IQSEC1: variants seen among roughly 807,000 people sequenced by gnomAD.
The protein encoded by IQSEC1 is IQ motif and Sec7 domain ArfGEF 1.
IQSEC1 carries 31 observed loss-of-function variants against 91.0 expected under a neutral mutation model. The ratio of observed to expected loss-of-function variants is 0.34; its 90% CI spans 0.26 to 0.46. IQSEC1 has a LOEUF of 0.46. Among genes scored for constraint, IQSEC1 ranks in the 20% least tolerant of loss-of-function variants. The pLI is 1.00. For synonymous variants in IQSEC1, 699 were observed against 662.6 expected (o/e 1.05, Z -0.84); for missense variants, 1,388 against 1,575.6 (o/e 0.88, Z 2.02).
chr3:13,061,025 G>A (rs1237164872), intron 1 of IQSEC1, among the ~76,000 whole-genome samples: 1 of 152,148 alleles, frequency 6.6e-6, no homozygotes, highest in Non-Finnish European at 1.5e-5. Context: ...TCCTACGTGA[G>A]CACTCAGTAA....
chr3:13,281,850 C>T (rs906585266), intron 1 of IQSEC1, among the ~76,000 whole-genome samples: 3 of 152,228 alleles, frequency 2.0e-5, no homozygotes, highest in African/African-American at 7.2e-5. Flanking sequence ...GACAGAGAGG[C>T]AGAGGGGCAG....
chr3:13,073,564 C>T (rs1465091013), upstream of IQSEC1, among the ~76,000 whole-genome samples: 1 of 151,630 alleles, frequency 6.6e-6, no homozygotes, highest in Non-Finnish European at 1.5e-5. Flanking sequence ...CGCTCGGCTG[C>T]GCCCTCGCGG....
intron 1 of IQSEC1, among the ~76,000 whole-genome samples, chr3:12,950,100 G>T (rs1167450788): frequency 6.6e-6 from 1 of 152,206 alleles, no homozygotes; most frequent in African/African-American, 2.4e-5. Context: ...TAAGTACACA[G>T]ATTTCACCCC....
chr3:13,192,774 C>T (rs560264874), intron 1 of IQSEC1, among the ~76,000 whole-genome samples: 1 of 152,390 alleles, frequency 6.6e-6, no homozygotes, highest in South Asian at 2.1e-4. Flanking sequence ...ACATTTCCCA[C>T]AGGCCCTGTG....
chr3:12,968,558 C>T (rs1202665921), intron 1 of IQSEC1, among the ~76,000 whole-genome samples: 1 of 152,078 alleles, frequency 6.6e-6, no homozygotes, highest in East Asian at 1.9e-4. Flanking sequence ...AGACGGCTTC[C>T]CTCACTCTTT....
rs57214977 is a variant in IQSEC1 at position 13,226,606 on chromosome 3, G to T, written c.272+56105C>A. Among the ~76,000 whole-genome samples the T allele has an allele frequency of 4.7e-3, 680 of 145,686 alleles. 4 individuals are homozygous for T. Among genetic ancestry groups the T allele is most frequent in the African/African-American group, 0.016 (634 of 38,612 alleles). The stretch of plus-strand genomic sequence containing the variant: ...ATCTCTACCAAAAAAAAAAAAAAAT[G>T]GTTAAAAATTTGCCTCATCAACCCA... On this transcript the variant is annotated intron_variant, in intron 1 of 15. Transcript: ENST00000648114.
At chr3:12,954,247 GA>G (rs1404359384) in intron 1 of IQSEC1, among the ~76,000 whole-genome samples, 2 of 152,368 alleles carry the variant, frequency 1.3e-5, no homozygotes, top group Non-Finnish European at 2.9e-5. Context: ...AAGAGCCCAG[GA>G]ACCTGAGTGG....
At chr3:13,108,912 C>T (rs1248694475) in intron 2 of IQSEC1, among the ~76,000 whole-genome samples, 2 of 152,210 alleles carry the variant, frequency 1.3e-5, no homozygotes, top group African/African-American at 4.8e-5. Context: ...CCGAGTGAAA[C>T]GTCTTGAAGG....
chr3:13,254,668 G>T (rs115332198), intron 1 of IQSEC1, among the ~76,000 whole-genome samples: 6 of 152,182 alleles, frequency 3.9e-5, no homozygotes, highest in Non-Finnish European at 7.3e-5. Flanking sequence ...GCTCCCTGGC[G>T]CTTCCTACTC....
chr3:13,004,785 T>C (rs1161826705), intron 1 of IQSEC1, among the ~76,000 whole-genome samples: 3 of 151,886 alleles, frequency 2.0e-5, no homozygotes, highest in African/African-American at 4.8e-5. Flanking sequence ...CTAATTCACC[T>C]CCCACCAAAA....
At chr3:13,005,024 C>T (rs1702576526) in intron 1 of IQSEC1, among the ~76,000 whole-genome samples, 1 of 152,196 alleles carries the variant, frequency 6.6e-6, no homozygotes, top group African/African-American at 2.4e-5. Context: ...CACACGTGAA[C>T]ATCTTTCAAA....
At chr3:13,272,018 G>T (rs910385452) in intron 1 of IQSEC1, among the ~76,000 whole-genome samples, 10 of 152,140 alleles carry the variant, frequency 6.6e-5, no homozygotes, top group Admixed American at 1.3e-4. Context: ...CATTCTCCAG[G>T]ATAGACTGCA....
chr3:13,201,398 A>G (rs1261179300), intron 1 of IQSEC1, among the ~76,000 whole-genome samples: 1 of 152,214 alleles, frequency 6.6e-6, no homozygotes, highest in African/African-American at 2.4e-5. Context: ...TAATGCGATC[A>G]TAGCTCACTG....
chr3:12,900,959 GCCTGGGAC>G lies in IQSEC1; in HGVS notation c.*16_*23del. 2 of 1,541,432 alleles carry G rather than the reference GCCTGGGAC, an allele frequency of 1.3e-6. No homozygotes were observed. Among genetic ancestry groups the G allele is most frequent in the Non-Finnish European group, 1.7e-6 (2 of 1,146,780 alleles). Reference sequence around the variant, plus strand: ...GTGTGGTGTGCAGGTGTTTCAGGGAGCCTGGGACCCCTACCCAGGCTGTCTACACAATT... The same window carrying G: ...GTGTGGTGTGCAGGTGTTTCAGGGAGCCCTACCCAGGCTGTCTACACAATT... On this transcript the variant is annotated 3_prime_UTR_variant, in exon 14 of 14. Transcript: ENST00000613206.
chr3:13,046,200 C>T (rs553418766), intron 1 of IQSEC1, among the ~76,000 whole-genome samples: 4 of 152,332 alleles, frequency 2.6e-5, no homozygotes, highest in East Asian at 3.9e-4. Context: ...AGCCCTGACT[C>T]GCTGGGCCAT....
At chr3:13,139,843 T>C (rs1165608181) in intron 2 of IQSEC1, among the ~76,000 whole-genome samples, 2 of 152,082 alleles carry the variant, frequency 1.3e-5, no homozygotes, top group Non-Finnish European at 2.9e-5. Flanking sequence ...CAGATTAGAG[T>C]GTGCCATGAA....
chr3:12,963,993 AGGCGCTATGCTAGGCAGGCATC>A (rs1700400728), intron 1 of IQSEC1, among the ~76,000 whole-genome samples: 1 of 152,240 alleles, frequency 6.6e-6, no homozygotes, highest in Admixed American at 6.5e-5. Flanking sequence ...CCATGAGGCC[AGGCGCTATGCTAGGCAGGCATC>A]GGGGTACTAG....
At chr3:12,969,314 A>G (rs1439631680) in intron 1 of IQSEC1, among the ~76,000 whole-genome samples, 1 of 152,210 alleles carries the variant, frequency 6.6e-6, no homozygotes, top group African/African-American at 2.4e-5. Context: ...GTGGCCAATA[A>G]GCCCATGAAA....
chr3:13,136,340 G>A (rs1394085942), intron 2 of IQSEC1, among the ~76,000 whole-genome samples: 2 of 152,316 alleles, frequency 1.3e-5, no homozygotes, highest in Non-Finnish European at 1.5e-5. Flanking sequence ...AAAACCTCTA[G>A]AAGAAAACAC....
Sources: allele counts gnomAD v4.1 joint callset (sites outside exome capture counted in the v4.1 genomes callset), GRCh38; gene constraint gnomAD v4.1.1; transcripts MANE v1.5; gene names NCBI Gene and HGNC (gene_info 2026-07-23, HGNC 2026-07-21).